SLC8A1: variants seen among roughly 807,000 people sequenced by gnomAD.
SLC8A1 encodes solute carrier family 8 member A1, also known as sodium/calcium exchanger 1.
SLC8A1 carries 18 observed loss-of-function variants against 68.3 expected under a neutral mutation model. The observed-to-expected ratio is 0.26, with a 90% confidence interval of 0.18 to 0.39. SLC8A1 has a LOEUF of 0.39. Among genes scored for constraint, SLC8A1 ranks in the 10% least tolerant of loss-of-function variants. SLC8A1 has a pLI of 1.00. For synonymous variants in SLC8A1, 475 were observed against 415.5 expected, an observed-to-expected ratio of 1.14 and a Z score of -1.74; for missense variants, 985 against 1,156.7, an observed-to-expected ratio of 0.85 and a Z score of 2.15.
chr2:40,110,675 G>C (rs923827504), exon 8 of SLC8A1: 1 of 152,080 alleles, frequency 6.6e-6, no homozygotes, highest in Non-Finnish European at 1.5e-5. Flanking sequence ...ATGGCCAAAC[G>C]TTCTTGAGAT....
intron 2 of SLC8A1, among the ~76,000 whole-genome samples, chr2:40,413,427 A>G (rs1692807706): frequency 6.6e-6 from 1 of 152,222 alleles, no homozygotes; most frequent in South Asian, 2.1e-4. Context: ...CAGCCATAAA[A>G]AAATGATGAG....
upstream of SLC8A1, among the ~76,000 whole-genome samples, chr2:40,452,264 CG>C (rs1227347408): frequency 1.3e-5 from 2 of 151,084 alleles, no homozygotes; most frequent in Non-Finnish European, 3.0e-5. Flanking sequence ...CCGGGCGCCC[CG>C]GGGCCCCCTG....
intron 2 of SLC8A1, among the ~76,000 whole-genome samples, chr2:40,376,390 G>T (rs927250261): frequency 2.0e-5 from 3 of 152,008 alleles, no homozygotes; most frequent in Non-Finnish European, 2.9e-5. Context: ...ACTATCAAAC[G>T]TTCTGTTCTA....
intron 2 of SLC8A1, among the ~76,000 whole-genome samples, chr2:40,188,557 G>C (rs1260774116): frequency 6.6e-6 from 1 of 152,220 alleles, no homozygotes; most frequent in African/African-American, 2.4e-5. Context: ...TCGTTCCAGA[G>C]ATTATTTCTA....
At position 40,501,569 on chromosome 2, in the gene SLC8A1, T is replaced by C. The variant is rs1706061236; in HGVS notation, c.-25+10780A>G. On this transcript the variant is annotated intron_variant, in intron 1 of 7. Coordinates refer to the SLC8A1 transcript ENST00000402441. The stretch of plus-strand genomic sequence containing the variant: ...TACCTTTCTTTGGGAAATGTATCTG[T>C]AACTAAATCAGTAACTTAGAGGAAA... Among the ~76,000 whole-genome samples the C allele has an allele frequency of 2.6e-5, 4 of 152,138 alleles. No individual in the cohort carries two copies. The South Asian group carries it at 8.3e-4, about 31-fold the overall frequency.
At chr2:40,380,760 T>C in intron 2 of SLC8A1, among the ~76,000 whole-genome samples, 1 of 152,088 alleles carries the variant, frequency 6.6e-6, no homozygotes, top group Non-Finnish European at 1.5e-5. Flanking sequence ...AGGGGGCTTT[T>C]CACAAAGGAA....
At chr2:40,192,364 A>AG (rs147279566) in intron 2 of SLC8A1, among the ~76,000 whole-genome samples, 129,724 of 151,866 alleles carry the variant, frequency 0.85, 55,512 homozygotes, top group East Asian at 0.99. Context: ...CTCCTTTTAG[A>AG]GTTTTTTTTA....
chr2:40,288,406 G>T (rs1027089313), intron 2 of SLC8A1, among the ~76,000 whole-genome samples: 5 of 152,096 alleles, frequency 3.3e-5, no homozygotes, highest in Non-Finnish European at 7.4e-5. Context: ...GTTCCACCAG[G>T]GATGATCTGG....
At chr2:40,231,859 A>G (rs1399034932) in intron 2 of SLC8A1, among the ~76,000 whole-genome samples, 3 of 152,134 alleles carry the variant, frequency 2.0e-5, no homozygotes, top group African/African-American at 7.2e-5. Flanking sequence ...ATTTGAATCA[A>G]TCTAGCCTAG....
At chr2:40,351,980 T>C (rs1051980659) in intron 2 of SLC8A1, among the ~76,000 whole-genome samples, 4 of 152,142 alleles carry the variant, frequency 2.6e-5, no homozygotes, top group African/African-American at 9.7e-5. Flanking sequence ...CCAAATCTTA[T>C]CCAAAAGAAG....
intron 6 of SLC8A1, among the ~76,000 whole-genome samples, chr2:40,145,944 T>A (rs2042383116): frequency 6.8e-6 from 1 of 147,518 alleles, no homozygotes; most frequent in Admixed American, 7.0e-5. Flanking sequence ...CCCAAAGATT[T>A]ATTCCCAAAC....
chr2:40,407,989 G>A (rs79982792), intron 2 of SLC8A1, among the ~76,000 whole-genome samples: 1,789 of 152,234 alleles, frequency 0.012, 32 homozygotes, highest in African/African-American at 0.038. Flanking sequence ...ACATATAACC[G>A]TGTTAGGCAT....
At chr2:40,334,376 T>C (rs573901833) in intron 2 of SLC8A1, among the ~76,000 whole-genome samples, 6 of 152,348 alleles carry the variant, frequency 3.9e-5, no homozygotes, top group East Asian at 1.9e-4. Context: ...CAGTTTTATA[T>C]AGACATGACT....
At chr2:40,427,868 C>T (rs899473648) in intron 2 of SLC8A1, among the ~76,000 whole-genome samples, 1 of 152,118 alleles carries the variant, frequency 6.6e-6, no homozygotes, top group African/African-American at 2.4e-5. Flanking sequence ...GATGGCCTTT[C>T]CCATGTTGGC....
At chr2:40,430,284 A>C in exon 2 of SLC8A1, 2 of 1,601,334 alleles carry the variant, frequency 1.2e-6, no homozygotes, top group Non-Finnish European at 1.7e-6. Context: ...TGTACATGAC[A>C]CTTCCAACTG....
intron 1 of SLC8A1, among the ~76,000 whole-genome samples, chr2:40,470,548 C>A (rs912241574): frequency 1.3e-5 from 2 of 151,488 alleles, no homozygotes; most frequent in African/African-American, 4.8e-5. Context: ...TTAATATAGA[C>A]CTATATTAAC....
At chr2:40,345,933 G>A (rs966702327) in intron 2 of SLC8A1, among the ~76,000 whole-genome samples, 1 of 151,248 alleles carries the variant, frequency 6.6e-6, no homozygotes, top group African/African-American at 2.4e-5. Flanking sequence ...GACAGGTGCA[G>A]CAAACCACCA....
At chr2:40,192,671 G>A (rs2052106546) in intron 2 of SLC8A1, among the ~76,000 whole-genome samples, 2 of 152,024 alleles carry the variant, frequency 1.3e-5, no homozygotes, top group African/African-American at 2.4e-5. Flanking sequence ...ACTCTTAGAA[G>A]ATTATTATGG....
At chr2:40,300,861 T>G (rs1023973107) in intron 2 of SLC8A1, among the ~76,000 whole-genome samples, 1 of 152,182 alleles carries the variant, frequency 6.6e-6, no homozygotes, top group Admixed American at 6.5e-5. Flanking sequence ...TAACCAAATA[T>G]GTAGAGCAAA....
Sources: allele counts gnomAD v4.1 joint callset (sites outside exome capture counted in the v4.1 genomes callset), GRCh38; gene constraint gnomAD v4.1.1; transcripts MANE v1.5; gene names NCBI Gene and HGNC (gene_info 2026-07-23, HGNC 2026-07-21).